Variants in EPHA6 observed in about 807,000 individuals in gnomAD.
EPHA6 encodes the protein ephrin type-A receptor 6.
EPHA6 carries 50 observed loss-of-function variants against 112.0 expected under a neutral mutation model. That is an observed-to-expected ratio of 0.45 (90% CI 0.36 to 0.56). The LOEUF is 0.56. EPHA6 is among the 20% of genes least tolerant of loss of function. The pLI, the probability that EPHA6 is intolerant of heterozygous loss-of-function variation, is 0.00. For synonymous variants in EPHA6, 529 were observed against 490.7 expected (o/e 1.08, Z -1.03); for missense variants, 1,280 against 1,417.4 (o/e 0.90, Z 1.56).
At chr3:97,721,675 C>G (rs1576351909) in intron 15 of EPHA6, among the ~76,000 whole-genome samples, 1 of 152,152 alleles carries the variant, frequency 6.6e-6, no homozygotes, top group Non-Finnish European at 1.5e-5. Context: ...CTTTGCTCCA[C>G]CCCCGCAACA....
chr3:97,525,213 A>C (rs1372995273), intron 10 of EPHA6, among the ~76,000 whole-genome samples: 1 of 151,848 alleles, frequency 6.6e-6, no homozygotes, highest in African/African-American at 2.4e-5. Context: ...CTAATTAGCT[A>C]ATTTCAAATA....
intron 14 of EPHA6, among the ~76,000 whole-genome samples, chr3:97,693,141 A>T (rs1421390616): frequency 6.6e-6 from 1 of 152,196 alleles, no homozygotes; most frequent in Non-Finnish European, 1.5e-5. Context: ...TGTAAAGAAG[A>T]TTGAGCACAT....
intron 3 of EPHA6, among the ~76,000 whole-genome samples, chr3:97,036,738 A>G (rs1424460660): frequency 2.0e-5 from 3 of 152,026 alleles, no homozygotes; most frequent in South Asian, 4.1e-4. Context: ...ACCATAAAAT[A>G]TGGTTAATAA....
chr3:97,102,062 GA>G (rs2047419610), intron 3 of EPHA6, among the ~76,000 whole-genome samples: 2 of 152,050 alleles, frequency 1.3e-5, no homozygotes, highest in African/African-American at 4.8e-5. Context: ...TAGGTCATCA[GA>G]AGCCTTGCCC....
Position 96,901,426 on chromosome 3 carries a change from T to A in EPHA6, c.450+34537T>A, listed in dbSNP as rs559655515. ...TGGTTATACTGTAGTAATCTGTGACTTATTGGATTCAGGACTGGATTGAGA... is the reference window on the plus strand; with the variant it reads ...TGGTTATACTGTAGTAATCTGTGACATATTGGATTCAGGACTGGATTGAGA... On this transcript the variant is annotated intron_variant, in intron 2 of 17. Coordinates refer to ENST00000389672, the MANE Select transcript of EPHA6 (RefSeq NM_001080448.3). Among the ~76,000 whole-genome samples, 3 of 152,238 alleles carry A rather than the reference T, an allele frequency of 2.0e-5. No individual in the cohort carries two copies. The East Asian group carries it at 5.8e-4, about 29-fold the overall frequency.
intron 11 of EPHA6, among the ~76,000 whole-genome samples, chr3:97,539,066 CCCTTCCTTCCTTCCTT>C (rs747004303): frequency 2.2e-4 from 27 of 124,066 alleles, no homozygotes; most frequent in African/African-American, 6.9e-4. Context: ...TCTCTTTCTT[CCCTTCCTTCCTTCCTT>C]CCTTCCTTCC....
intron 2 of EPHA6, among the ~76,000 whole-genome samples, chr3:96,910,668 A>G (rs1189828265): frequency 2.6e-5 from 4 of 151,950 alleles, no homozygotes; most frequent in Non-Finnish European, 5.9e-5. Context: ...CTTTTCTCAA[A>G]TGCCATTTGA....
chr3:96,954,295 A>G (rs2041670209), intron 2 of EPHA6, among the ~76,000 whole-genome samples: 1 of 152,190 alleles, frequency 6.6e-6, no homozygotes, highest in Admixed American at 6.5e-5. Context: ...CAGTGGTTCA[A>G]CGTCTTATTA....
intron 2 of EPHA6, among the ~76,000 whole-genome samples, chr3:96,978,407 C>A (rs1559638587): frequency 1.3e-5 from 2 of 151,964 alleles, no homozygotes; most frequent in South Asian, 2.1e-4. Context: ...TGCAGTATTT[C>A]CAAAAGGAAA....
intron 3 of EPHA6, among the ~76,000 whole-genome samples, chr3:97,021,194 C>A (rs1009077217): frequency 6.6e-6 from 1 of 152,156 alleles, no homozygotes; most frequent in Non-Finnish European, 1.5e-5. Context: ...GACTGTATAG[C>A]CTAACAGTTC....
At chr3:97,017,616 C>T (rs1185014381) in intron 3 of EPHA6, among the ~76,000 whole-genome samples, 1 of 152,186 alleles carries the variant, frequency 6.6e-6, no homozygotes, top group Non-Finnish European at 1.5e-5. Context: ...GTGACCTACA[C>T]AGACACCATT....
At chr3:97,561,797 C>T (rs1205521457) in intron 11 of EPHA6, among the ~76,000 whole-genome samples, 1 of 152,060 alleles carries the variant, frequency 6.6e-6, no homozygotes, top group Admixed American at 6.6e-5. Context: ...TGGCTTCAAA[C>T]CTTCCAAGGA....
intron 14 of EPHA6, among the ~76,000 whole-genome samples, chr3:97,667,027 G>C (rs1165943370): frequency 6.6e-6 from 1 of 152,082 alleles, no homozygotes; most frequent in Non-Finnish European, 1.5e-5. Flanking sequence ...TATTAAACTG[G>C]AGAGCATTAT....
intron 1 of EPHA6, among the ~76,000 whole-genome samples, chr3:96,866,167 A>T (rs2036298699): frequency 6.6e-6 from 1 of 152,074 alleles, no homozygotes; most frequent in African/African-American, 2.4e-5. Flanking sequence ...ATGTTAATAT[A>T]ATCTTCACTT....
chr3:97,575,760 A>G (rs1188458089), intron 11 of EPHA6, among the ~76,000 whole-genome samples: 4 of 152,198 alleles, frequency 2.6e-5, no homozygotes, highest in Admixed American at 6.5e-5. Context: ...TGCCAGCTGA[A>G]TATAAGGGGG....
intron 1 of EPHA6, among the ~76,000 whole-genome samples, chr3:96,822,455 C>T (rs187012579): frequency 2.6e-5 from 4 of 151,820 alleles, no homozygotes; most frequent in African/African-American, 9.6e-5. Context: ...AGCTTTTGGC[C>T]TATTTGGTGA....
intron 14 of EPHA6, among the ~76,000 whole-genome samples, chr3:97,689,809 C>T (rs1341905443): frequency 6.6e-6 from 1 of 152,136 alleles, no homozygotes; most frequent in African/African-American, 2.4e-5. Flanking sequence ...CATCCCCTTC[C>T]CGCTCTTTCC....
chr3:96,839,317 T>C (rs1377706917), intron 1 of EPHA6, among the ~76,000 whole-genome samples: 1 of 151,938 alleles, frequency 6.6e-6, no homozygotes, highest in Non-Finnish European at 1.5e-5. Flanking sequence ...GTGAACCCTA[T>C]TGTGAACTAC....
At chr3:96,994,709 G>GTGTGTATATATATA (rs1363786371) in intron 3 of EPHA6, among the ~76,000 whole-genome samples, 5 of 98,478 alleles carry the variant, frequency 5.1e-5, no homozygotes, top group African/African-American at 2.7e-4. Flanking sequence ...GTGTGTGTGT[G>GTGTGTATATATATA]TATATATATA....
Sources: gnomAD v4.1 joint callset for allele counts (sites outside exome capture counted in the v4.1 genomes callset) on GRCh38, gnomAD v4.1.1 for gene constraint, MANE v1.5 for transcripts, NCBI Gene and HGNC (gene_info 2026-07-23, HGNC 2026-07-21) for gene names.